Variants in BAZ2A observed in about 807,000 individuals in gnomAD.
The protein encoded by BAZ2A is bromodomain adjacent to zinc finger domain 2A, also known as bromodomain adjacent to zinc finger domain protein 2A.
A neutral mutation model predicts 199.9 loss-of-function variants in BAZ2A; 34 were observed. The observed-to-expected ratio is 0.17, with a 90% CI of 0.13 to 0.23. The LOEUF is 0.23. BAZ2A is among the 10% of genes least tolerant of loss of function. The pLI, the probability that BAZ2A is intolerant of heterozygous loss-of-function variation, is 1.00. For missense variants in BAZ2A, 2,002 were observed against 2,391.1 expected, an observed-to-expected ratio of 0.84 and a Z score of 3.39; for synonymous variants, 857 against 883.9, an observed-to-expected ratio of 0.97 and a Z score of 0.54.
chr12:56,620,762 T>C (rs1592610460), intron 1 of BAZ2A, among the ~76,000 whole-genome samples: 1 of 152,078 alleles, frequency 6.6e-6, no homozygotes, highest in Non-Finnish European at 1.5e-5. Context: ...GGTTACACCA[T>C]GTTGGCCAGG....
In BAZ2A at chr12:56,613,057, T is replaced by G. The variant is rs749692791; in HGVS notation, c.1093A>C (p.Ser365Arg). ...CCTAGGACAGGTGGAGAGGTGGGAC[T>G]GGCAAAGATAGAGGTTGATGTTTGA... ...DSQTSTSIFA[S>R]PTSPPVLGES... The change falls in exon 5 of 29, where the codon AGT (serine) becomes CGT (arginine). Residue 365 changes from serine (S) to arginine (R), a missense_variant. Coordinates refer to ENST00000549884, the MANE Select transcript of BAZ2A (RefSeq NM_001300905.2). The G allele has an allele frequency of 1.9e-6, 3 of 1,613,920 alleles. No individual in the cohort carries two copies. The highest frequency in any genetic ancestry group is 2.5e-6 in the Non-Finnish European group (3 of 1,179,892).
Position 56,603,679 on chromosome 12 carries a change from C to T in BAZ2A, c.3060G>A (p.Lys1020=). Residue 1020 remains lysine, a synonymous_variant, in exon 17 of 29, where the codon AAG becomes AAA. Coordinates refer to ENST00000549884, the MANE Select transcript of BAZ2A (RefSeq NM_001300905.2). ...TCTCTACTTCAGACCGCCCAGTTCG[C>T]TTGGCCAGAACAGTTTTCAGCCTTG... is the stretch of plus-strand genomic sequence containing the variant. ...RLRRLKTVLA[K]RTGRSEVEME... is the part of the protein sequence containing the mutation. 6.2e-7 allele frequency: 1 copy of T among 1,614,010 alleles called. No homozygotes were observed. The highest frequency in any genetic ancestry group is 8.5e-7 in the Non-Finnish European group (1 of 1,179,878).
rs778888219 is a variant in BAZ2A at position 56,604,749 on chromosome 12, G to C, written c.2799C>G (p.Asp933Glu). 42 of 1,613,784 alleles carry C rather than the reference G, an allele frequency of 2.6e-5. No homozygotes were observed. Among genetic ancestry groups the C allele is most frequent in the Non-Finnish European group, 3.6e-5 (42 of 1,179,874 alleles). The change falls in exon 15 of 29, where the codon GAC becomes GAG. Residue 933 changes from aspartate (D) to glutamate (E), a missense_variant. Physicochemically the swap from Asp to Glu is conservative, Grantham distance 45 (BLOSUM62 2). Transcript: ENST00000549884. ...EKVSEIPLTR[D>E]NVSEILRCFL... ...AGCAGCGCAGGATCTCTGACACATT[G>C]TCTCTTGTCAGTGGGATCTCAGACA...
At position 56,635,578 on chromosome 12, in the gene BAZ2A, G is replaced by C. The variant is rs1239160265; in HGVS notation, c.4+604C>G. ...GTCCCACTCAGTGCCCTCAGTGACT[G>C]TAGTGTGGGGGCCATCAATAGCAGC... On this transcript the variant is annotated intron_variant, in intron 1 of 29. Coordinates refer to the BAZ2A transcript ENST00000379441. This position sits in a 1 kb window ranked among gnomAD's most constrained non-coding sequence, Gnocchi z 4.1. 1.3e-5 allele frequency among the ~76,000 whole-genome samples: 2 copies of C among 152,182 alleles called. No individual in the cohort carries two copies. Among genetic ancestry groups the C allele is most frequent in the African/African-American group, 4.8e-5 (2 of 41,440 alleles).
Position 56,614,088 on chromosome 12 carries a change from G to T in BAZ2A, c.781C>A (p.His261Asn), listed in dbSNP as rs750011501. 1.2e-6 allele frequency: 2 copies of T among 1,614,008 alleles called. No homozygotes were observed. The highest frequency in any genetic ancestry group is 1.7e-6 in the Non-Finnish European group (2 of 1,179,884). Residue 261 changes from histidine to asparagine, a missense_variant, in exon 4 of 29, where the codon CAC becomes AAC. His to Asn is a moderately conservative substitution (Grantham distance 68, BLOSUM62 1). Coordinates refer to ENST00000549884, the MANE Select transcript of BAZ2A (RefSeq NM_001300905.2). ...NGSVPSVESL[H>N]QEVSVLVPDP... ...GGGACCAGGACTGAGACCTCTTGGT[G>T]TAACGATTCCACAGAAGGGACAGAG...
intron 11 of BAZ2A, 146 bp from the exon 12 acceptor site, chr12:56,606,458 A>C: frequency 8.5e-7 from 1 of 1,179,528 alleles, no homozygotes; most frequent in South Asian, 1.3e-5. Context: ...CTCACCCTAG[A>C]GATGCCCACG....
intron 1 of BAZ2A, 147 bp downstream of exon 1, chr12:56,629,978 G>A (rs557620754): frequency 8.8e-6 from 5 of 566,874 alleles, no homozygotes; most frequent in East Asian, 1.4e-4. Flanking sequence ...CTCGCCTCGG[G>A]TTGGATCCTC....
Position 56,606,646 on chromosome 12 carries a change from G to A in BAZ2A, c.2180C>T (p.Thr727Ile), listed in dbSNP as rs748341515. The A allele has an allele frequency of 1.9e-6, 3 of 1,613,786 alleles. No individual in the cohort carries two copies. The highest frequency in any genetic ancestry group is 1.3e-5 in the African/African-American group (1 of 75,012). Residue 727 changes from threonine (T) to isoleucine (I), a missense_variant, in exon 11 of 29, where the codon ACT (threonine) becomes ATT (isoleucine). Transcript: ENST00000549884. ...GATGTCCCTCACCTGCCCTTGGATA[G>A]TAGTCTGACACTCTCCCCGTTGAAC... is the stretch of plus-strand genomic sequence containing the variant. ...QKVQRGECQT[T>I]IQGQARNKRK...
intron 16 of BAZ2A, 139 bp from the exon 17 acceptor site, chr12:56,603,839 CCT>C: frequency 1.1e-6 from 1 of 943,362 alleles, no homozygotes; most frequent in Non-Finnish European, 1.5e-6. Context: ...ATGGTGAAAC[CCT>C]GTCTCTACTA....
chr12:56,603,761 C>T (rs918418648), intron 16 of BAZ2A, 61 bp from the exon 17 acceptor site: 47 of 1,584,442 alleles, frequency 3.0e-5, no homozygotes, highest in Non-Finnish European at 1.6e-5. Context: ...ACCTGTAATT[C>T]CAGCACTTTG....
rs1224066315 is a variant in BAZ2A, at chr12:56,615,528, G to A, written c.216C>T (p.Pro72=). Residue 72 remains proline (P), a synonymous_variant, in exon 3 of 29, where the codon CCC becomes CCT. Transcript: ENST00000549884. ...GGAGGTGTGAGGTGCTGGAGGAGTG[G>A]GGAGCAGAGTTCAAAATCCCTGAAG... ...TTTSGILNSA[P]HSSSTSHLHH... 7 of 1,613,406 alleles carry A rather than the reference G, an allele frequency of 4.3e-6. No homozygotes were observed. The highest frequency in any genetic ancestry group is 5.9e-6 in the Non-Finnish European group (7 of 1,179,838).
rs537296281 is a variant in BAZ2A at position 56,606,380 on chromosome 12, A to G, written c.2194-68T>C. On this transcript the variant is annotated intron_variant, in intron 11 of 28. Transcript: ENST00000549884. ...GCATCTCTGCTTGGGCTAGGATTCA[A>G]AAACAGACAAGGGTGCTGGGGAGGA... 16 of 1,577,542 alleles carry G rather than the reference A, an allele frequency of 1.0e-5. No individual in the cohort carries two copies. In the East Asian group the frequency reaches 3.1e-4, roughly 31 times the overall value.
chr12:56,600,283 G>A lies in BAZ2A; in HGVS notation c.4810C>T (p.Leu1604Phe). 1 of 1,613,998 alleles carries A rather than the reference G, an allele frequency of 6.2e-7. No individual in the cohort carries two copies. Among genetic ancestry groups the A allele is most frequent in the Non-Finnish European group, 8.5e-7 (1 of 1,179,896 alleles). ...AGCACAACCTCATGAGTTGGCCAGA[G>A]GGGCTCCCGCAGGTACCGCCGTTCT... The part of the protein sequence containing the change: ...NVERRYLREP[L>F]WPTHEVVLEK... Residue 1604 changes from leucine (L) to phenylalanine (F), a missense_variant, in exon 24 of 29, where the codon CTC becomes TTC. Physicochemically the swap from Leu to Phe is conservative, Grantham distance 22. This residue lies in a region of BAZ2A where 1,081 missense variants were observed against 1,274.7 expected (regional missense o/e 0.85). Transcript: ENST00000549884.
Position 56,605,349 on chromosome 12 carries a change from G to C in BAZ2A, c.2494-22C>G, listed in dbSNP as rs752773201. On this transcript the variant is annotated intron_variant, in intron 13 of 28. Coordinates refer to ENST00000549884, the MANE Select transcript of BAZ2A (RefSeq NM_001300905.2). ...GGGGCTAGAGAGAGAAAAGTGAGTA[G>C]AGAGTTCTGTTAAACATAACAGAAG... is the stretch of plus-strand genomic sequence containing the variant. The C allele has an allele frequency of 1.9e-6, 3 of 1,588,878 alleles. No homozygotes were observed. In the South Asian group the frequency reaches 3.4e-5, roughly 18 times the overall value.
rs758762235 is a variant in BAZ2A, at chr12:56,601,912, A to G, written c.3705T>C (p.Leu1235=). ...CCTTATGGGACTGAAGCTGAAGCTG[A>G]AGCTGAGGCTGGGGCTGGGCAGGAG... ...LHAPAQPQPQ[L]QLQLQSHKGF... Residue 1235 remains leucine, a synonymous_variant, in exon 20 of 29, where the codon CTT becomes CTC. Transcript: ENST00000549884. 6.2e-7 allele frequency: 1 copy of G among 1,603,776 alleles called. No individual in the cohort carries two copies. Among genetic ancestry groups the G allele is most frequent in the Non-Finnish European group, 8.5e-7 (1 of 1,174,940 alleles).
In BAZ2A at chr12:56,615,511, G is replaced by A; in HGVS notation, c.233C>T (p.Ser78Leu). The change falls in exon 3 of 29, where the codon TCA becomes TTA. Residue 78 changes from serine (S) to leucine (L), a missense_variant. By Grantham distance (145) the Ser-to-Leu change is moderately radical (BLOSUM62 -2). Around this residue, in one of 6 missense-constraint regions of BAZ2A, gnomAD observed 641 missense variants for 694.5 expected, o/e 0.92. Transcript: ENST00000549884. ...GGCCACGCTGGGGTGATGGAGGTGT[G>A]AGGTGCTGGAGGAGTGGGGAGCAGA... The part of the protein sequence containing the change: ...LNSAPHSSST[S>L]HLHHPSVAYD... The A allele has an allele frequency of 2.5e-6, 4 of 1,613,538 alleles. No homozygotes were observed. Among genetic ancestry groups the A allele is most frequent in the Non-Finnish European group, 3.4e-6 (4 of 1,179,854 alleles).
Position 56,598,359 on chromosome 12 carries a change from T to A in BAZ2A, c.*259A>T, listed in dbSNP as rs1003643257. On this transcript the variant is annotated 3_prime_UTR_variant, in exon 29 of 29. Coordinates refer to ENST00000549884, the MANE Select transcript of BAZ2A (RefSeq NM_001300905.2). ...TAGCAAATAAAACAGAAAAGAAAAA[T>A]TATTTTTTTCTTTCTTTTTTTGGCT... The A allele has an allele frequency of 2.6e-6, 1 of 391,314 alleles. No homozygotes were observed. The highest frequency in any genetic ancestry group is 4.5e-6 in the Non-Finnish European group (1 of 220,194). The allele number at this position is 391,314 out of a possible 1,614,324, so 24.2% of individuals were successfully genotyped here. A position where few individuals can be genotyped will look rare whatever the true frequency, so the allele number is the denominator to read the frequency against.
In BAZ2A at chr12:56,605,775, T is replaced by C. The variant is rs1950329498; in HGVS notation, c.2493+55A>G. On this transcript the variant is annotated intron_variant, in intron 13 of 28. Transcript: ENST00000549884. ...CCCATTGCAGAAGTCCTTTTTTTTT[T>C]TTTAAAGGAAAGTCTTCCCAGCTGA... 9.3e-6 allele frequency: 14 copies of C among 1,506,184 alleles called. No homozygotes were observed. In the South Asian group the frequency reaches 1.4e-4, roughly 15 times the overall value. 93.3% of individuals were successfully genotyped at this position (1,506,184 alleles called of 1,614,324 possible). A position where few individuals can be genotyped will look rare whatever the true frequency, so the allele number is the denominator to read the frequency against.
chr12:56,619,017 G>A (rs1401458789), intron 1 of BAZ2A, among the ~76,000 whole-genome samples: 2 of 152,046 alleles, frequency 1.3e-5, no homozygotes, highest in Admixed American at 1.3e-4. Flanking sequence ...ATAACATGGC[G>A]AGAACCGATC....
Sources: allele counts gnomAD v4.1 joint callset (sites outside exome capture counted in the v4.1 genomes callset), GRCh38; gene constraint gnomAD v4.1.1; regional missense constraint gnomAD v4.1.1; non-coding constraint Gnocchi (gnomAD v3.1); transcripts MANE v1.5; gene names NCBI Gene and HGNC (gene_info 2026-07-23, HGNC 2026-07-21).